Variants in PSMB7 observed in about 807,000 individuals in gnomAD.
PSMB7 encodes proteasome 20S subunit beta 7.
In PSMB7, 5 loss-of-function variants were observed where a neutral mutation model predicts 28.1. That is an observed-to-expected ratio of 0.18 (90% confidence interval 0.09 to 0.37). PSMB7 has a LOEUF of 0.37. Ranked by LOEUF, PSMB7 falls within the 10% of genes least tolerant of loss-of-function variation. PSMB7 has a pLI of 1.00. For missense variants in PSMB7, 275 were observed against 346.2 expected, an observed-to-expected ratio of 0.79 and a Z score of 1.63; for synonymous variants, 122 against 123.7, an observed-to-expected ratio of 0.99 and a Z score of 0.09.
At chr9:124,414,210 G>A (rs548452646) in intron 2 of PSMB7, among the ~76,000 whole-genome samples, 1 of 152,304 alleles carries the variant, frequency 6.6e-6, no homozygotes, top group East Asian at 1.9e-4. Flanking sequence ...TGAATCCTGA[G>A]TAGGTAAGAA....
chr9:124,405,263 G>A, intron 5 of PSMB7, 54 bp downstream of exon 5: 1 of 1,246,780 alleles, frequency 8.0e-7, no homozygotes, highest in Non-Finnish European at 1.2e-6. Context: ...CTCTTCAAGA[G>A]ACCATCGTGG....
chr9:124,414,198 A>C (rs1156491974), intron 2 of PSMB7, among the ~76,000 whole-genome samples, 193 bp from the exon 3 acceptor site: 1 of 152,220 alleles, frequency 6.6e-6, no homozygotes, highest in Non-Finnish European at 1.5e-5. Flanking sequence ...AATGCTACTA[A>C]TTGAATCCTG....
At chr9:124,389,677 C>T (rs1830764221) in intron 5 of PSMB7, among the ~76,000 whole-genome samples, 2 of 152,184 alleles carry the variant, frequency 1.3e-5, no homozygotes, top group Admixed American at 1.3e-4. Context: ...ACTGCAGACA[C>T]TCCACAGCTG....
intron 4 of PSMB7, among the ~76,000 whole-genome samples, chr9:124,406,090 A>G (rs757211366): frequency 6.6e-6 from 1 of 152,090 alleles, no homozygotes; most frequent in Non-Finnish European, 1.5e-5. Flanking sequence ...AATTGGACTG[A>G]CTCCAAAGAT....
chr9:124,402,280 G>A (rs1830918208), intron 5 of PSMB7, among the ~76,000 whole-genome samples: 1 of 152,196 alleles, frequency 6.6e-6, no homozygotes, highest in African/African-American at 2.4e-5. Flanking sequence ...AAAGCACAAA[G>A]TTGGGCGGCA....
chr9:124,354,662 C>T (rs1278808632), intron 7 of PSMB7, among the ~76,000 whole-genome samples: 1 of 152,196 alleles, frequency 6.6e-6, no homozygotes, highest in Non-Finnish European at 1.5e-5. Context: ...TGCCAAGCCT[C>T]CCCCGACCCC....
intron 5 of PSMB7, among the ~76,000 whole-genome samples, chr9:124,385,628 T>C (rs936054249): frequency 2.0e-5 from 3 of 152,230 alleles, no homozygotes; most frequent in Non-Finnish European, 4.4e-5. Context: ...ACTTTTTAAC[T>C]TGTTTTGCAT....
At chr9:124,406,497 CAAAAAAAAA>C (rs772524538) in intron 4 of PSMB7, among the ~76,000 whole-genome samples, 2 of 50,506 alleles carry the variant, frequency 4.0e-5, no homozygotes, top group African/African-American at 6.6e-5. Flanking sequence ...AGAGTTGTCT[CAAAAAAAAA>C]AAAAAAAAAA....
At chr9:124,399,646 G>T (rs766186401) in intron 5 of PSMB7, among the ~76,000 whole-genome samples, 1 of 152,206 alleles carries the variant, frequency 6.6e-6, no homozygotes, top group Non-Finnish European at 1.5e-5. Flanking sequence ...AAATGAAGGC[G>T]TGACTGCAAC....
chr9:124,381,972 A>T, intron 6 of PSMB7, among the ~76,000 whole-genome samples: 1 of 151,908 alleles, frequency 6.6e-6, no homozygotes, highest in East Asian at 2.0e-4. Flanking sequence ...TAATAAAGTG[A>T]TTTTCAGCCG....
Position 124,415,402 on chromosome 9 carries a change from A to G in PSMB7, c.24T>C (p.Ala8=). 5.0e-6 allele frequency: 8 copies of G among 1,614,130 alleles called. No homozygotes were observed. Among genetic ancestry groups the G allele is most frequent in the Non-Finnish European group, 6.8e-6 (8 of 1,180,012 alleles). Residue 8 remains alanine (A), a synonymous_variant, in exon 1 of 8, where the codon GCT becomes GCC. Transcript: ENST00000259457. ...CAAAAGAGAAGCCTCCAACTGGTGGAGCATACACCGACACAGCCGCCATCT... is the reference window on the plus strand; with the variant it reads ...CAAAAGAGAAGCCTCCAACTGGTGGGGCATACACCGACACAGCCGCCATCT... MAAVSVY[A]PPVGGFSFDN...
chr9:124,405,207 T>C (rs1346556177), intron 5 of PSMB7, 110 bp downstream of exon 5: 2 of 713,342 alleles, frequency 2.8e-6, no homozygotes, highest in South Asian at 1.8e-5. Flanking sequence ...GCTGAATGAA[T>C]CAAAGCATTG....
chr9:124,354,554 C>G (rs925797719), intron 7 of PSMB7, among the ~76,000 whole-genome samples: 1 of 152,210 alleles, frequency 6.6e-6, no homozygotes, highest in Non-Finnish European at 1.5e-5. Context: ...GACACACGGG[C>G]TAAAAGAGGG....
At chr9:124,367,948 C>T (rs1045539542) in intron 6 of PSMB7, among the ~76,000 whole-genome samples, 5 of 152,188 alleles carry the variant, frequency 3.3e-5, no homozygotes, top group African/African-American at 7.2e-5. Context: ...TTTTTCTCAA[C>T]CCCCATTTAA....
intron 4 of PSMB7, among the ~76,000 whole-genome samples, 175 bp downstream of exon 4, chr9:124,412,177 T>C (rs1316292096): frequency 1.3e-5 from 2 of 152,110 alleles, no homozygotes; most frequent in African/African-American, 4.8e-5. Context: ...GCCCCAGAAA[T>C]TCAAATGCAC....
chr9:124,414,374 A>T (rs1176456987), intron 2 of PSMB7, among the ~76,000 whole-genome samples: 1 of 152,196 alleles, frequency 6.6e-6, no homozygotes, highest in Non-Finnish European at 1.5e-5. Flanking sequence ...TTTCTTTAAA[A>T]CATGTTGCAC....
intron 6 of PSMB7, among the ~76,000 whole-genome samples, chr9:124,369,911 C>A (rs1830544999): frequency 6.6e-6 from 1 of 152,206 alleles, no homozygotes; most frequent in Non-Finnish European, 1.5e-5. Flanking sequence ...GGGTACCGTT[C>A]TCGACTTTTC....
chr9:124,378,458 A>G (rs1248089740), intron 6 of PSMB7, among the ~76,000 whole-genome samples: 1 of 152,166 alleles, frequency 6.6e-6, no homozygotes, highest in Non-Finnish European at 1.5e-5. Flanking sequence ...TCCAGATGCT[A>G]ATTTGCAAGT....
At chr9:124,387,837 A>G (rs536789024) in intron 5 of PSMB7, among the ~76,000 whole-genome samples, 1 of 152,212 alleles carries the variant, frequency 6.6e-6, no homozygotes, top group East Asian at 1.9e-4. Flanking sequence ...ACAAGAGAAC[A>G]TAATTTCAAG....
Sources: gnomAD v4.1 joint callset for allele counts (sites outside exome capture counted in the v4.1 genomes callset) on GRCh38, gnomAD v4.1.1 for gene constraint, MANE v1.5 for transcripts, NCBI Gene and HGNC (gene_info 2026-07-23, HGNC 2026-07-21) for gene names.